The following ACTR1A variants were observed in gnomAD, a reference collection of about 807,000 sequenced individuals.
The protein encoded by ACTR1A is actin related protein 1A.
ACTR1A carries 10 observed loss-of-function variants against 50.7 expected under a neutral mutation model. The observed-to-expected ratio is 0.20, with a 90% CI of 0.12 to 0.33. ACTR1A has a LOEUF of 0.33. Ranked by LOEUF, ACTR1A falls within the 10% of genes least tolerant of loss-of-function variation. The probability of loss-of-function intolerance (pLI) is 1.00; values close to 1 mark genes in which losing one functional copy is unlikely to be tolerated. For synonymous variants in ACTR1A, 177 were observed against 184.2 expected, an observed-to-expected ratio of 0.96 and a Z score of 0.32; for missense variants, 253 against 491.7, an observed-to-expected ratio of 0.51 and a Z score of 4.59.
chr10:102,496,465 C>T (rs769245796), intron 1 of ACTR1A, among the ~76,000 whole-genome samples: 96 of 152,336 alleles, frequency 6.3e-4, no homozygotes, highest in Middle Eastern at 3.4e-3. Context: ...TCTTCTTCCA[C>T]ATGGTATCTG....
intron 1 of ACTR1A, among the ~76,000 whole-genome samples, chr10:102,493,385 G>A (rs369030324): frequency 6.6e-6 from 1 of 152,230 alleles, no homozygotes. Flanking sequence ...AAAAACAAGA[G>A]AGGATGAGAT....
Position 102,482,122 on chromosome 10 carries a change from A to G in ACTR1A, c.804T>C (p.Ile268=). 1.9e-6 allele frequency: 3 copies of G among 1,614,102 alleles called. No individual in the cohort carries two copies. Among genetic ancestry groups the G allele is most frequent in the Non-Finnish European group, 2.5e-6 (3 of 1,180,022 alleles). The change falls in exon 8 of 11, where the codon ATT becomes ATC. Residue 268 remains isoleucine (I), a synonymous_variant. Transcript: ENST00000369905. This position sits in a 1 kb window ranked among gnomAD's most constrained non-coding sequence, Gnocchi z 5.6. ...APELLFRPDL[I]GEESEGIHEV... ...CGTGGATGCCTTCACTCTCCTCTCC[A>G]ATCAAATCTGGCCTGAAGAGCAACT...
In ACTR1A at chr10:102,481,852, T is replaced by G. The variant is rs1455160235; in HGVS notation, c.972A>C (p.Lys324Asn). 1 of 1,612,374 alleles carries G rather than the reference T, an allele frequency of 6.2e-7. No individual in the cohort carries two copies. Among genetic ancestry groups the G allele is most frequent in the Non-Finnish European group, 8.5e-7 (1 of 1,180,026 alleles). The change falls in exon 9 of 11, where the codon AAA (lysine) becomes AAC (asparagine). Residue 324 changes from lysine to asparagine, a missense_variant. Coordinates refer to ENST00000369905, the MANE Select transcript of ACTR1A (RefSeq NM_005736.4). The stretch of plus-strand genomic sequence containing the variant: ...ATGCTCCTACCCTGATCTTCACATC[T>G]TTTGGAGCTAGTTTCTTCACTTCAC... ...LLSEVKKLAP[K>N]DVKIRISAPQ...
intron 9 of ACTR1A, 107 bp downstream of exon 9, chr10:102,481,730 C>A: frequency 7.4e-7 from 1 of 1,344,048 alleles, no homozygotes; most frequent in Non-Finnish European, 1.1e-6. Flanking sequence ...CTTGTAGAGC[C>A]ATGGCTGCTT....
In ACTR1A at chr10:102,480,892, C is replaced by A. The variant is rs769007392; in HGVS notation, c.1102G>T (p.Ala368Ser). Reference protein sequence around the residue: ...VSKKEYEEDGARSIHRKTF With the variant: ...VSKKEYEEDGSRSIHRKTF ...AAGGTTTTTCTGTGGATGGATCGGGCACCGTCTTCCTCATATTCCTTTTTG... is the reference window on the plus strand; with the variant it reads ...AAGGTTTTTCTGTGGATGGATCGGGAACCGTCTTCCTCATATTCCTTTTTG... The change falls in exon 11 of 11, where the codon GCC (alanine) becomes TCC (serine). Residue 368 changes from alanine (A) to serine (S), a missense_variant. Coordinates refer to ENST00000369905, the MANE Select transcript of ACTR1A (RefSeq NM_005736.4). 16 of 1,613,916 alleles carry A rather than the reference C, an allele frequency of 9.9e-6. No individual in the cohort carries two copies. Among genetic ancestry groups the A allele is most frequent in the South Asian group, 3.3e-5 (3 of 91,078 alleles).
chr10:102,499,505 A>C (rs928054750), intron 1 of ACTR1A, among the ~76,000 whole-genome samples: 4 of 152,212 alleles, frequency 2.6e-5, no homozygotes, highest in Admixed American at 1.3e-4. Flanking sequence ...TTGAAACTAA[A>C]AATGCATCAC....
At position 102,487,009 on chromosome 10, in the gene ACTR1A, G is replaced by T. The variant is rs563910027; in HGVS notation, c.315+1141C>A. ...GGTGTTTCGCCATGCTGCCCAACTT[G>T]GTCTCAAACTCCTGAGCTCAAGAGA... On this transcript the variant is annotated intron_variant, in intron 4 of 10. Coordinates refer to ENST00000369905, the MANE Select transcript of ACTR1A (RefSeq NM_005736.4). Among the ~76,000 whole-genome samples the T allele has an allele frequency of 4.7e-5, 7 of 150,022 alleles. 1 individual carries two copies. Among genetic ancestry groups the T allele is most frequent in the African/African-American group, 1.7e-4 (7 of 40,708 alleles).
intron 1 of ACTR1A, among the ~76,000 whole-genome samples, chr10:102,496,550 CA>C (rs2062223542): frequency 6.6e-6 from 1 of 152,192 alleles, no homozygotes; most frequent in African/African-American, 2.4e-5. Context: ...CATAATTGAA[CA>C]GTGAAAATAT....
rs1292947549 is a variant in ACTR1A, at chr10:102,482,258, A to C, written c.751-83T>G. On this transcript the variant is annotated intron_variant, in intron 7 of 10. Coordinates refer to ENST00000369905, the MANE Select transcript of ACTR1A (RefSeq NM_005736.4). The surrounding 1 kb of genome is among the most constrained non-coding windows in gnomAD (Gnocchi z 5.6). ...GTGGGAATGGAAGACGCCCCTCTGC[A>C]CGTCACTTAGTAACTGGGTGGCTAT... is the stretch of plus-strand genomic sequence containing the variant. 1 of 1,355,252 alleles carries C rather than the reference A, an allele frequency of 7.4e-7. No individual in the cohort carries two copies. The highest frequency in any genetic ancestry group is 1.0e-6 in the Non-Finnish European group (1 of 970,456). The allele number at this position is 1,355,252 out of a possible 1,614,324, so 84.0% of individuals were successfully genotyped here.
chr10:102,498,681 C>T (rs905861880), intron 1 of ACTR1A, among the ~76,000 whole-genome samples: 2 of 151,626 alleles, frequency 1.3e-5, no homozygotes, highest in Non-Finnish European at 2.9e-5. Flanking sequence ...CTATGTTGCC[C>T]AGGCTGGTCT....
At chr10:102,491,194 A>G (rs2062190029) in intron 1 of ACTR1A, among the ~76,000 whole-genome samples, 3 of 152,172 alleles carry the variant, frequency 2.0e-5, no homozygotes, top group African/African-American at 4.8e-5. Context: ...TAAAAATACT[A>G]GTAATAAAGG....
At chr10:102,493,095 A>AGT (rs2062202831) in intron 1 of ACTR1A, among the ~76,000 whole-genome samples, 2 of 151,848 alleles carry the variant, frequency 1.3e-5, no homozygotes, top group Non-Finnish European at 2.9e-5. Context: ...GGGAGCAGGA[A>AGT]TCTTTGCCAA....
Position 102,489,075 on chromosome 10 carries a change from G to A in ACTR1A, c.177C>T (p.Gly59=). 1 of 1,583,320 alleles carries A rather than the reference G, an allele frequency of 6.3e-7. No homozygotes were observed. The highest frequency in any genetic ancestry group is 1.1e-5 in the South Asian group (1 of 87,074). The change falls in exon 3 of 11, where the codon GGC becomes GGT. Residue 59 remains glycine, a synonymous_variant. Coordinates refer to ENST00000369905, the MANE Select transcript of ACTR1A (RefSeq NM_005736.4). The part of the protein sequence containing the change: ...AGALEGDIFI[G]PKAEEHRGLL... ...GCCTGGGAATTACCTCAGCTTTGGG[G>A]CCAATGAAGATGTCGCCTTCAAGGG...
Position 102,481,184 on chromosome 10 carries a change from G to A in ACTR1A, c.988-12C>T. On this transcript the variant is annotated splice_polypyrimidine_tract_variant and intron_variant, in intron 9 of 10. Transcript: ENST00000369905. ...TGAGGTGCAGATATCTGCAAAGGTG[G>A]GGGAAAGAGGAATCTGAGACTTCCA... 6.3e-7 allele frequency: 1 copy of A among 1,576,952 alleles called. No individual in the cohort carries two copies. The highest frequency in any genetic ancestry group is 1.2e-5 in the South Asian group (1 of 85,580).
chr10:102,489,235 T>C (rs2062181624), intron 2 of ACTR1A, 97 bp from the exon 3 acceptor site: 1 of 804,958 alleles, frequency 1.2e-6, no homozygotes, highest in Non-Finnish European at 1.8e-6. Context: ...TCTACTGAGA[T>C]TATCTTCAAG....
At chr10:102,502,578 A>T (rs1347351649) in intron 1 of ACTR1A, 22 bp downstream of exon 1, 1 of 1,613,888 alleles carries the variant, frequency 6.2e-7, no homozygotes, top group South Asian at 1.1e-5. Flanking sequence ...GTCCCCTTAT[A>T]GATAGGAAAG....
chr10:102,483,995 C>T, intron 6 of ACTR1A, 165 bp downstream of exon 6: 2 of 622,128 alleles, frequency 3.2e-6, no homozygotes, highest in Non-Finnish European at 2.8e-6. Flanking sequence ...GTCAGGAAGG[C>T]GAATCTGTCA....
Position 102,482,942 on chromosome 10 carries a change from G to T in ACTR1A, c.750+69C>A. The T allele has an allele frequency of 7.7e-7, 1 of 1,303,470 alleles. No individual in the cohort carries two copies. The highest frequency in any genetic ancestry group is 1.2e-5 in the South Asian group (1 of 84,684). The allele number at this position is 1,303,470 out of a possible 1,614,324, so 80.7% of individuals were successfully genotyped here. ...GCCTGCCAGACTCCAGACCCTGATGGAGAATTCTGGTTGGGCCCAGAGCTT... is the reference window on the plus strand; with the variant it reads ...GCCTGCCAGACTCCAGACCCTGATGTAGAATTCTGGTTGGGCCCAGAGCTT... On this transcript the variant is annotated intron_variant, in intron 7 of 10. Transcript: ENST00000369905. This position sits in a 1 kb window ranked among gnomAD's most constrained non-coding sequence, Gnocchi z 5.6.
chr10:102,490,482 C>T (rs2135584680), intron 2 of ACTR1A, 67 bp downstream of exon 2: 1 of 1,367,988 alleles, frequency 7.3e-7, no homozygotes, highest in South Asian at 1.2e-5. Flanking sequence ...GCTCCTGTCC[C>T]TTATAGGGCT....
Sources: gnomAD v4.1 joint callset for allele counts (sites outside exome capture counted in the v4.1 genomes callset) on GRCh38, gnomAD v4.1.1 for gene constraint, Gnocchi (gnomAD v3.1) non-coding constraint, MANE v1.5 for transcripts, NCBI Gene and HGNC (gene_info 2026-07-23, HGNC 2026-07-21) for gene names.